The following ADAM18 variants were observed in gnomAD, a reference collection of about 807,000 sequenced individuals.
ADAM18 encodes ADAM metallopeptidase domain 18.
ADAM18 carries 117 observed loss-of-function variants against 94.4 expected under a neutral mutation model. The ratio of observed to expected loss-of-function variants is 1.24; its 90% CI spans 1.07 to 1.45. The LOEUF (loss-of-function observed/expected upper bound fraction) is 1.45, where lower values mean the gene tolerates loss of function less well. Ranked by LOEUF, ADAM18 falls within the 40% of genes most tolerant of loss-of-function variation. The pLI is 0.00. For missense variants in ADAM18, 936 were observed against 880.0 expected (o/e 1.06, Z -0.81); for synonymous variants, 327 against 291.6 (o/e 1.12, Z -1.24).
At chr8:39,603,363 C>T (rs1818965490) in intron 2 of ADAM18, among the ~76,000 whole-genome samples, 1 of 152,190 alleles carries the variant, frequency 6.6e-6, no homozygotes, top group Non-Finnish European at 1.5e-5. Flanking sequence ...TCACTACAGG[C>T]ATACCTTATT....
intron 11 of ADAM18, among the ~76,000 whole-genome samples, chr8:39,648,020 A>G (rs1051231188): frequency 5.3e-5 from 8 of 152,230 alleles, no homozygotes; most frequent in African/African-American, 1.7e-4. Context: ...CTTGAACTAT[A>G]TAACAGAAGA....
chr8:39,605,295 C>G (rs144152178), intron 2 of ADAM18, among the ~76,000 whole-genome samples: 2 of 152,114 alleles, frequency 1.3e-5, no homozygotes, highest in African/African-American at 4.8e-5. Flanking sequence ...GTTACGCCCC[C>G]CTGAAGAATT....
intron 13 of ADAM18, among the ~76,000 whole-genome samples, chr8:39,664,683 CTCAT>C (rs1418500983): frequency 6.6e-6 from 1 of 152,034 alleles, no homozygotes; most frequent in African/African-American, 2.4e-5. Context: ...GTAAAGAACT[CTCAT>C]TGATAACTGA....
intron 5 of ADAM18, among the ~76,000 whole-genome samples, chr8:39,610,205 C>T (rs1462941502): frequency 6.6e-6 from 1 of 152,060 alleles, no homozygotes; most frequent in East Asian, 1.9e-4. Flanking sequence ...CTTATCAAAC[C>T]TCTGGAAGAA....
At chr8:39,672,340 T>C (rs1821179370) in intron 14 of ADAM18, among the ~76,000 whole-genome samples, 1 of 152,126 alleles carries the variant, frequency 6.6e-6, no homozygotes, top group African/African-American at 2.4e-5. Context: ...GCAATGGATA[T>C]GATAAGATCT....
chr8:39,665,306 G>A (rs926678789), intron 13 of ADAM18, among the ~76,000 whole-genome samples: 6 of 152,094 alleles, frequency 3.9e-5, no homozygotes, highest in Admixed American at 3.3e-4. Flanking sequence ...AGTATTGCAA[G>A]GATTGTAAGG....
intron 15 of ADAM18, among the ~76,000 whole-genome samples, chr8:39,678,601 A>G (rs1821357445): frequency 6.6e-6 from 1 of 152,196 alleles, no homozygotes; most frequent in African/African-American, 2.4e-5. Context: ...GTTACACCAC[A>G]GTGGATCCCA....
chr8:39,672,088 C>T (rs1298784141), intron 14 of ADAM18, among the ~76,000 whole-genome samples: 1 of 151,996 alleles, frequency 6.6e-6, no homozygotes, highest in African/African-American at 2.4e-5. Flanking sequence ...GATTACTCGC[C>T]CTAAGTGAAA....
intron 10 of ADAM18, among the ~76,000 whole-genome samples, chr8:39,644,370 A>C (rs1050895746): frequency 1.2e-4 from 18 of 152,098 alleles, no homozygotes; most frequent in Non-Finnish European, 4.4e-5. Flanking sequence ...AGCTCACTGC[A>C]ACCCCAAACT....
In ADAM18 at chr8:39,654,243, C is replaced by T. The variant is rs577741361; in HGVS notation, c.1230+5716C>T. ...CGCGATCTCAGCTCACTGCAAGCTC[C>T]GCCTTCCAGGTTCACGCGATTCTCC... On this transcript the variant is annotated intron_variant, in intron 12 of 19. Transcript: ENST00000265707. 6.7e-5 allele frequency among the ~76,000 whole-genome samples: 10 copies of T among 148,712 alleles called. 1 individual carries two copies. The East Asian group carries it at 7.8e-4, about 12-fold the overall frequency.
chr8:39,624,086 T>G (rs1275720703), intron 6 of ADAM18, among the ~76,000 whole-genome samples: 4 of 152,212 alleles, frequency 2.6e-5, no homozygotes, highest in Non-Finnish European at 5.9e-5. Flanking sequence ...TACAAATATT[T>G]TCTCCCCTTC....
rs143177345 is a variant in ADAM18 at position 39,585,274 on chromosome 8, A to G, written c.56-2A>G. On this transcript the variant is annotated splice_acceptor_variant, in intron 1 of 19. Transcript: ENST00000265707. LOFTEE classifies it high-confidence loss of function. Reference sequence around the variant, plus strand: ...AAAAACAAACACATTTTCTTACTGCAGGTTCTGAAGGAATATTTCTGCATG... The same window carrying G: ...AAAAACAAACACATTTTCTTACTGCGGGTTCTGAAGGAATATTTCTGCATG... 127 of 1,610,146 alleles carry G rather than the reference A, an allele frequency of 7.9e-5. 1 individual carries two copies. In the East Asian group the frequency reaches 2.7e-3, roughly 35 times the overall value.
chr8:39,726,339 G>C (rs908475377), intron 19 of ADAM18, among the ~76,000 whole-genome samples: 3 of 151,386 alleles, frequency 2.0e-5, no homozygotes, highest in African/African-American at 7.3e-5. Context: ...TGTTGCGTAG[G>C]CTTGTCTAAA....
In ADAM18 at chr8:39,663,884, G is replaced by A; in HGVS notation, c.1320G>A (p.Lys440=). The change falls in exon 13 of 20, where the codon AAG becomes AAA. Residue 440 remains lysine (K), a synonymous_variant. Coordinates refer to ENST00000265707, the MANE Select transcript of ADAM18 (RefSeq NM_014237.3). ...GTTCTGGACCATGTTGTACATCAAA[G>A]TGTGAGGTAAGTTACTAACATTCAT... ...KCGSGPCCTS[K]CELSIAGTPC... is the part of the protein sequence containing the mutation. 1.2e-6 allele frequency: 2 copies of A among 1,609,102 alleles called. No homozygotes were observed. The highest frequency in any genetic ancestry group is 1.7e-6 in the Non-Finnish European group (2 of 1,177,882).
intron 14 of ADAM18, among the ~76,000 whole-genome samples, chr8:39,674,067 T>C (rs1424858918): frequency 6.6e-6 from 1 of 152,144 alleles, no homozygotes; most frequent in African/African-American, 2.4e-5. Context: ...TTAGAATAAG[T>C]GAGATGTGGT....
intron 3 of ADAM18, among the ~76,000 whole-genome samples, chr8:39,607,132 T>C (rs933751713): frequency 1.3e-5 from 2 of 152,210 alleles, no homozygotes; most frequent in Non-Finnish European, 2.9e-5. Flanking sequence ...CTACTTTACA[T>C]GTAAAATTCT....
intron 6 of ADAM18, among the ~76,000 whole-genome samples, chr8:39,617,615 A>G (rs1819481910): frequency 6.6e-6 from 1 of 152,244 alleles, no homozygotes; most frequent in South Asian, 2.1e-4. Context: ...GGAATGCACA[A>G]TGAAAATCTG....
intron 11 of ADAM18, among the ~76,000 whole-genome samples, chr8:39,646,062 T>A (rs1820365701): frequency 6.6e-6 from 1 of 152,204 alleles, no homozygotes; most frequent in Admixed American, 6.5e-5. Context: ...CAAATGGCTG[T>A]TAAAATAAGC....
chr8:39,709,301 G>GA (rs1822329196), intron 18 of ADAM18, among the ~76,000 whole-genome samples: 1 of 152,132 alleles, frequency 6.6e-6, no homozygotes, highest in Non-Finnish European at 1.5e-5. Flanking sequence ...CTGTCCTTCT[G>GA]AAATCAAGCC....
Sources: gnomAD v4.1 joint callset for allele counts (sites outside exome capture counted in the v4.1 genomes callset) on GRCh38, gnomAD v4.1.1 for gene constraint, MANE v1.5 for transcripts, NCBI Gene and HGNC (gene_info 2026-07-23, HGNC 2026-07-21) for gene names.